The following MGAM variants were observed in gnomAD, a reference collection of about 807,000 sequenced individuals.
MGAM encodes the protein alpha-1,4-glucosidase.
In MGAM, 253 loss-of-function variants were observed where a neutral mutation model predicts 358.8. The observed-to-expected ratio is 0.71, with a 90% confidence interval of 0.64 to 0.78. MGAM has a LOEUF of 0.78. MGAM is among the 30% of genes least tolerant of loss of function. The pLI, the probability that MGAM is intolerant of heterozygous loss-of-function variation, is 0.00. For synonymous variants in MGAM, 1,105 were observed against 1,227.1 expected, an observed-to-expected ratio of 0.90 and a Z score of 2.08; for missense variants, 3,080 against 3,432.6, an observed-to-expected ratio of 0.90 and a Z score of 2.57.
At chr7:142,044,123 G>T (rs1176782491) in intron 21 of MGAM, among the ~76,000 whole-genome samples, 1 of 135,248 alleles carries the variant, frequency 7.4e-6, no homozygotes, top group African/African-American at 2.8e-5. Context: ...ATACACATAC[G>T]ACGTATAATA....
intron 23 of MGAM, 47 bp downstream of exon 23, chr7:142,050,331 C>A (rs1292305581): frequency 6.4e-7 from 1 of 1,569,104 alleles, no homozygotes; most frequent in East Asian, 2.2e-5. Flanking sequence ...TTTGGACTGA[C>A]CATTAGCACA....
intron 64 of MGAM, 67 bp downstream of exon 64, chr7:142,095,780 A>G: frequency 6.3e-7 from 1 of 1,581,776 alleles, no homozygotes; most frequent in Non-Finnish European, 8.6e-7. Context: ...GTGACAGTTG[A>G]ATTCTTCCAA....
chr7:142,104,224 A>G (rs1816666627), intron 70 of MGAM, among the ~76,000 whole-genome samples: 1 of 152,156 alleles, frequency 6.6e-6, no homozygotes, highest in Admixed American at 6.6e-5. Context: ...TATATATTTC[A>G]ATATTGTAAG....
At chr7:142,099,515 A>C in intron 66 of MGAM, 98 bp from the exon 67 acceptor site, 1 of 1,579,980 alleles carries the variant, frequency 6.3e-7, no homozygotes, top group Non-Finnish European at 8.7e-7. Flanking sequence ...ATGAGCAGGC[A>C]TAAGTTCAGA....
upstream of MGAM, among the ~76,000 whole-genome samples, chr7:141,993,544 G>A (rs767811143): frequency 7.9e-5 from 12 of 152,168 alleles, no homozygotes; most frequent in Non-Finnish European, 1.2e-4. Context: ...ATCACAGAGC[G>A]GGGAACTCTG....
intron 1 of MGAM, among the ~76,000 whole-genome samples, chr7:141,997,599 G>A (rs2128974387): frequency 6.6e-6 from 1 of 152,216 alleles, no homozygotes; most frequent in Non-Finnish European, 1.5e-5. Flanking sequence ...AGAAATATAA[G>A]CCTTTGCACA....
chr7:142,043,761 TAATATATAC>T lies in MGAM; in HGVS notation c.2498+2917_2498+2925del, dbSNP rs1218454656. Among the ~76,000 whole-genome samples the T allele has an allele frequency of 3.7e-4, 30 of 80,638 alleles. 2 individuals are homozygous for T. Among genetic ancestry groups the T allele is most frequent in the East Asian group, 1.0e-3 (3 of 2,936 alleles). The allele number at this position is 80,638 out of a possible 152,430, so 52.9% of individuals were successfully genotyped here. On this transcript the variant is annotated intron_variant, in intron 21 of 70. Coordinates refer to ENST00000475668, the MANE Select transcript of MGAM (RefSeq NM_001365693.1). The stretch of plus-strand genomic sequence containing the variant: ...ATACATTATATACACATACGACATA[TAATATATAC>T]ATTATATACACATACGACATATAAT...
chr7:142,043,477 AAT>A (rs1809354242), intron 21 of MGAM, among the ~76,000 whole-genome samples: 1 of 72,728 alleles, frequency 1.4e-5, no homozygotes, highest in Non-Finnish European at 2.4e-5. Flanking sequence ...ATATACATAT[AAT>A]ATCTAAATAT....
At chr7:141,995,651 T>C (rs1287482555), upstream of MGAM, among the ~76,000 whole-genome samples, 1 of 152,160 alleles carries the variant, frequency 6.6e-6, no homozygotes. Flanking sequence ...AAACATTCAG[T>C]GCCTGGAGGG....
At chr7:142,064,622 TAAG>T in intron 37 of MGAM, 100 bp downstream of exon 37, 1 of 1,437,120 alleles carries the variant, frequency 7.0e-7, no homozygotes, top group Non-Finnish European at 9.4e-7. Flanking sequence ...TTCTAAGGAT[TAAG>T]AAGATTCTCA....
chr7:142,065,289 C>T (rs1812610919), intron 37 of MGAM, 46 bp from the exon 38 acceptor site: 4 of 1,587,312 alleles, frequency 2.5e-6, no homozygotes, highest in African/African-American at 1.3e-5. Flanking sequence ...ATGGCCTTTA[C>T]TCCCTGGCTG....
intron 14 of MGAM, among the ~76,000 whole-genome samples, 153 bp from the exon 15 acceptor site, chr7:142,034,109 G>A (rs1425471459): frequency 6.6e-6 from 1 of 152,208 alleles, no homozygotes; most frequent in Non-Finnish European, 1.5e-5. Context: ...TACTCCAAGT[G>A]GATAGCATTC....
chr7:142,033,867 A>G (rs1554464805), intron 14 of MGAM, among the ~76,000 whole-genome samples: 1 of 152,188 alleles, frequency 6.6e-6, no homozygotes. Context: ...GAGACTGGAA[A>G]TCATTCTCTA....
In MGAM at chr7:142,102,660, C is replaced by G. The variant is rs377502170; in HGVS notation, c.7994C>G (p.Ala2665Gly). 7 of 1,613,182 alleles carry G rather than the reference C, an allele frequency of 4.3e-6. No homozygotes were observed. The highest frequency in any genetic ancestry group is 4.0e-5 in the African/African-American group (3 of 74,908). The change falls in exon 69 of 71, where the codon GCC becomes GGC. Residue 2665 changes from alanine (A) to glycine (G), a missense_variant. Physicochemically the swap from Ala to Gly is moderately conservative, Grantham distance 60. Transcript: ENST00000475668. The part of the protein sequence containing the change: ...DTYGKGLYYL[A>G]SFSASQNTMQ... ...TATGGGAAAGGACTCTATTACTTGG[C>G]CAGCTTTTCTGCCAGCCAGGTGAGT... is the stretch of plus-strand genomic sequence containing the variant.
At chr7:142,011,526 C>T (rs1365723654) in intron 3 of MGAM, among the ~76,000 whole-genome samples, 9 of 152,054 alleles carry the variant, frequency 5.9e-5, no homozygotes, top group African/African-American at 2.2e-4. Flanking sequence ...AGCCATTGGT[C>T]AAGTGAAAGG....
At chr7:142,037,808 G>A (rs1309496921) in intron 18 of MGAM, among the ~76,000 whole-genome samples, 2 of 152,114 alleles carry the variant, frequency 1.3e-5, no homozygotes, top group Non-Finnish European at 2.9e-5. Flanking sequence ...GGGTATATGA[G>A]ATGTTTTGAT....
Position 142,013,061 on chromosome 7 carries a change from C to A in MGAM, c.327+4356C>A, listed in dbSNP as rs1234051590. Among the ~76,000 whole-genome samples the A allele has an allele frequency of 2.0e-5, 3 of 152,280 alleles. No homozygotes were observed. In the East Asian group the frequency reaches 5.8e-4, roughly 29 times the overall value. ...TCAACAGGAACAGCGACAGACTCCA[C>A]CTCTTGACACAAAGTGTGTTAAGAG... On this transcript the variant is annotated intron_variant, in intron 3 of 70. Coordinates refer to ENST00000475668, the MANE Select transcript of MGAM (RefSeq NM_001365693.1).
At chr7:142,027,036 C>A in intron 8 of MGAM, 79 bp from the exon 9 acceptor site, 1 of 1,062,420 alleles carries the variant, frequency 9.4e-7, no homozygotes, top group South Asian at 1.3e-5. Context: ...GGTTAGTGAT[C>A]CTGTGTTATT....
At chr7:142,036,798 A>G (rs368547429) in intron 17 of MGAM, 25 bp from the exon 18 acceptor site, 21 of 1,608,764 alleles carry the variant, frequency 1.3e-5, no homozygotes, top group Admixed American at 1.7e-5. Flanking sequence ...CCAAACCACA[A>G]CTGCAAACTC....
Sources: allele counts gnomAD v4.1 joint callset (sites outside exome capture counted in the v4.1 genomes callset), GRCh38; gene constraint gnomAD v4.1.1; transcripts MANE v1.5; gene names NCBI Gene and HGNC (gene_info 2026-07-23, HGNC 2026-07-21).